ALCAM: variants seen among roughly 807,000 people sequenced by gnomAD.
ALCAM encodes activated leukocyte cell adhesion molecule.
Under a neutral mutation model 70.9 loss-of-function variants are expected in ALCAM, and 30 were observed. The observed-to-expected ratio is 0.42, with a 90% CI of 0.32 to 0.57. The LOEUF (loss-of-function observed/expected upper bound fraction) is 0.57, where lower values mean the gene tolerates loss of function less well. Ranked by LOEUF, ALCAM falls within the 20% of genes least tolerant of loss-of-function variation. The pLI is 0.11. For synonymous variants in ALCAM, 249 were observed against 242.5 expected, an observed-to-expected ratio of 1.03 and a Z score of -0.25; for missense variants, 591 against 695.1, an observed-to-expected ratio of 0.85 and a Z score of 1.68.
chr3:105,556,320 T>A (rs994621310), intron 14 of ALCAM, among the ~76,000 whole-genome samples: 2 of 151,970 alleles, frequency 1.3e-5, no homozygotes, highest in African/African-American at 4.8e-5. Flanking sequence ...CCTCCATAAT[T>A]CCTATAACTA....
At chr3:105,393,960 T>G (rs1277580548) in intron 1 of ALCAM, among the ~76,000 whole-genome samples, 1 of 151,956 alleles carries the variant, frequency 6.6e-6, no homozygotes, top group Non-Finnish European at 1.5e-5. Flanking sequence ...TATAGATAAT[T>G]GCAAATTTGG....
chr3:105,379,090 G>GT (rs1336893691), intron 1 of ALCAM, among the ~76,000 whole-genome samples: 1 of 151,924 alleles, frequency 6.6e-6, no homozygotes. Context: ...GCTTTTGTCT[G>GT]TTTTTTCATT....
At chr3:105,457,428 C>T (rs1198149963) in intron 1 of ALCAM, among the ~76,000 whole-genome samples, 1 of 151,868 alleles carries the variant, frequency 6.6e-6, no homozygotes, top group Non-Finnish European at 1.5e-5. Flanking sequence ...GGAGGGAGAG[C>T]AGGGAAAATA....
At chr3:105,399,587 G>T (rs937838939) in intron 1 of ALCAM, among the ~76,000 whole-genome samples, 30 of 151,944 alleles carry the variant, frequency 2.0e-4, no homozygotes, top group African/African-American at 7.2e-4. Flanking sequence ...ATTTCAGTAT[G>T]AAAAAAAGTG....
chr3:105,453,613 G>A (rs533639947), intron 1 of ALCAM, among the ~76,000 whole-genome samples: 10 of 152,272 alleles, frequency 6.6e-5, no homozygotes, highest in African/African-American at 2.4e-4. Flanking sequence ...TGTGAAGAAT[G>A]TCAATGGTAG....
chr3:105,549,031 TAG>T (rs1020764072), intron 11 of ALCAM, among the ~76,000 whole-genome samples: 1 of 151,462 alleles, frequency 6.6e-6, no homozygotes, highest in Non-Finnish European at 1.5e-5. Flanking sequence ...ATATATTTTG[TAG>T]AGTTTAAAGT....
chr3:105,511,643 C>A (rs1265350848), intron 1 of ALCAM, among the ~76,000 whole-genome samples: 1 of 152,038 alleles, frequency 6.6e-6, no homozygotes, highest in East Asian at 1.9e-4. Context: ...GTGGAAAAAT[C>A]TATTAAATAG....
At chr3:105,518,307 T>A (rs566361539) in intron 1 of ALCAM, among the ~76,000 whole-genome samples, 1 of 152,086 alleles carries the variant, frequency 6.6e-6, no homozygotes, top group East Asian at 1.9e-4. Context: ...CCTCTCAAAA[T>A]TATTACATAT....
At chr3:105,460,383 G>T (rs1435447080) in intron 1 of ALCAM, among the ~76,000 whole-genome samples, 16 of 152,022 alleles carry the variant, frequency 1.1e-4, no homozygotes, top group Non-Finnish European at 7.4e-5. Context: ...AGGGCTGCAT[G>T]CCAGACTTGA....
chr3:105,502,016 C>T lies in ALCAM; in HGVS notation c.74-18051C>T, dbSNP rs557742575. ...GTTACTAAAATATTCATTGAAAACTCCAACAGCAAATTAAATTATAAGATG... is the reference window on the plus strand; with the variant it reads ...GTTACTAAAATATTCATTGAAAACTTCAACAGCAAATTAAATTATAAGATG... On this transcript the variant is annotated intron_variant, in intron 1 of 15. Coordinates refer to ENST00000306107, the MANE Select transcript of ALCAM (RefSeq NM_001627.4). Among the ~76,000 whole-genome samples, 16 of 152,302 alleles carry T rather than the reference C, an allele frequency of 1.1e-4. No individual in the cohort carries two copies. The South Asian group carries it at 3.3e-3, about 32-fold the overall frequency.
chr3:105,566,303 C>T (rs1333765392), intron 14 of ALCAM, among the ~76,000 whole-genome samples: 2 of 152,132 alleles, frequency 1.3e-5, no homozygotes, highest in Non-Finnish European at 2.9e-5. Context: ...AAAGTGATAT[C>T]GAATCATTCA....
intron 1 of ALCAM, among the ~76,000 whole-genome samples, chr3:105,420,347 A>G (rs1482382945): frequency 6.6e-6 from 1 of 151,630 alleles, no homozygotes; most frequent in African/African-American, 2.4e-5. Context: ...CACTGAACAC[A>G]TTTCAATGTT....
intron 1 of ALCAM, among the ~76,000 whole-genome samples, chr3:105,439,946 ATTTTC>A (rs2152582765): frequency 6.6e-6 from 1 of 152,302 alleles, no homozygotes; most frequent in South Asian, 2.1e-4. Context: ...TTATAGAGAT[ATTTTC>A]TTTTCTATTC....
chr3:105,453,258 A>G (rs931804598), intron 1 of ALCAM, among the ~76,000 whole-genome samples: 6 of 152,204 alleles, frequency 3.9e-5, no homozygotes, highest in African/African-American at 1.4e-4. Context: ...TATAAGGTAT[A>G]AGGAAGGGTT....
intron 12 of ALCAM, among the ~76,000 whole-genome samples, chr3:105,551,183 G>A (rs1414612949): frequency 6.6e-6 from 1 of 151,536 alleles, no homozygotes; most frequent in African/African-American, 2.4e-5. Context: ...GGAATATAAA[G>A]GCCTAATGGA....
intron 1 of ALCAM, 49 bp from the exon 2 acceptor site, chr3:105,520,018 T>A: frequency 8.0e-7 from 1 of 1,256,840 alleles, no homozygotes. Context: ...ATTTAAAATT[T>A]TGTTCTCTCT....
chr3:105,431,322 G>A (rs1181448795), intron 1 of ALCAM, among the ~76,000 whole-genome samples: 6 of 152,084 alleles, frequency 3.9e-5, no homozygotes, highest in Non-Finnish European at 5.9e-5. Context: ...TCACTCATAT[G>A]TGTATATGGC....
chr3:105,547,534 GTCT>G lies in ALCAM; in HGVS notation c.1374+16_1374+18del, dbSNP rs760042647. The G allele has an allele frequency of 3.2e-5, 51 of 1,604,728 alleles. No individual in the cohort carries two copies. Among genetic ancestry groups the G allele is most frequent in the Non-Finnish European group, 4.3e-5 (51 of 1,175,726 alleles). ...AGCGTCATAAACCAAGCAAGTATTT[GTCT>G]TCTTGTTATATGCTGCACTTCGTCC... is the stretch of plus-strand genomic sequence containing the variant. On this transcript the variant is annotated intron_variant, in intron 11 of 15. Transcript: ENST00000306107.
intron 1 of ALCAM, among the ~76,000 whole-genome samples, chr3:105,470,583 A>T (rs537009459): frequency 1.3e-5 from 2 of 151,290 alleles, no homozygotes; most frequent in Non-Finnish European, 3.0e-5. Context: ...ACTATCATTC[A>T]TCAGCATTTT....
Sources: gnomAD v4.1 joint callset for allele counts (sites outside exome capture counted in the v4.1 genomes callset) on GRCh38, gnomAD v4.1.1 for gene constraint, MANE v1.5 for transcripts, NCBI Gene and HGNC (gene_info 2026-07-23, HGNC 2026-07-21) for gene names.